Variants in EP400 observed in about 807,000 individuals in gnomAD.
The protein encoded by EP400 is E1A binding protein p400.
A neutral mutation model predicts 354.1 loss-of-function variants in EP400; 105 were observed. That is an observed-to-expected ratio of 0.30 (90% CI 0.25 to 0.35). EP400 has a LOEUF of 0.35. Among genes scored for constraint, EP400 ranks in the 10% least tolerant of loss-of-function variants. The pLI, the probability that EP400 is intolerant of heterozygous loss-of-function variation, is 1.00. For synonymous variants in EP400, 1,646 were observed against 1,716.9 expected, an observed-to-expected ratio of 0.96 and a Z score of 1.02; for missense variants, 3,280 against 4,121.0, an observed-to-expected ratio of 0.80 and a Z score of 5.59.
intron 32 of EP400, among the ~76,000 whole-genome samples, chr12:132,039,416 G>C (rs1894820916): frequency 6.6e-6 from 1 of 152,154 alleles, no homozygotes; most frequent in Non-Finnish European, 1.5e-5. Flanking sequence ...GAGGGAGCAA[G>C]GGGCAGGCAG....
intron 2 of EP400, chr12:131,963,650 T>G (rs1891976515): frequency 6.3e-7 from 1 of 1,594,154 alleles, no homozygotes; most frequent in Non-Finnish European, 8.5e-7. Flanking sequence ...CAGGTACTTT[T>G]CGATGGTTCT....
At chr12:132,059,790 C>T (rs184041240) in intron 45 of EP400, among the ~76,000 whole-genome samples, 4 of 151,574 alleles carry the variant, frequency 2.6e-5, no homozygotes, top group South Asian at 2.1e-4. Flanking sequence ...CCAAGGCGGG[C>T]GGATCACGAG....
In EP400 at chr12:132,025,544, T is replaced by G; in HGVS notation, c.4856-102T>G. On this transcript the variant is annotated intron_variant, in intron 24 of 52. Coordinates refer to ENST00000389561, the MANE Select transcript of EP400 (RefSeq NM_015409.5). This position sits in a 1 kb window ranked among gnomAD's most constrained non-coding sequence, Gnocchi z 4.1. Reference sequence around the variant, plus strand: ...TGATTTTTTTGTGTAGATTTGATTTTCAGTTTGTCAACTTATTTTTGTACT... The same window carrying G: ...TGATTTTTTTGTGTAGATTTGATTTGCAGTTTGTCAACTTATTTTTGTACT... 1 of 1,316,402 alleles carries G rather than the reference T, an allele frequency of 7.6e-7. No homozygotes were observed. The highest frequency in any genetic ancestry group is 1.5e-5 in the African/African-American group (1 of 66,374). The allele number at this position is 1,316,402 out of a possible 1,614,324, so 81.5% of individuals were successfully genotyped here.
At chr12:132,065,523 G>A (rs1895861742) in intron 48 of EP400, 1 of 153,050 alleles carries the variant, frequency 6.5e-6, no homozygotes, top group Admixed American at 6.5e-5. Flanking sequence ...AGTGCTCATG[G>A]ACTGCCCCAG....
chr12:132,035,374 A>G (rs553326480), intron 30 of EP400, among the ~76,000 whole-genome samples: 27 of 152,362 alleles, frequency 1.8e-4, no homozygotes, highest in Non-Finnish European at 3.5e-4. Context: ...GGTGTTGAGC[A>G]GCCAGGTGGA....
At chr12:132,066,211 A>T (rs1168491452) in intron 48 of EP400, 1 of 152,512 alleles carries the variant, frequency 6.6e-6, no homozygotes, top group Non-Finnish European at 1.5e-5. Context: ...AAGGCTAAAT[A>T]CCAGTTTTAA....
intron 12 of EP400, among the ~76,000 whole-genome samples, chr12:131,999,753 G>A (rs1337123640): frequency 1.3e-5 from 2 of 152,070 alleles, no homozygotes; most frequent in Non-Finnish European, 2.9e-5. Flanking sequence ...ACATTAAATT[G>A]AGGAATATGA....
At position 131,979,776 on chromosome 12, in the gene EP400, C is replaced by T. The variant is rs969901509; in HGVS notation, c.1418C>T (p.Pro473Leu). 1 of 1,606,872 alleles carries T rather than the reference C, an allele frequency of 6.2e-7. No homozygotes were observed. The highest frequency in any genetic ancestry group is 8.5e-7 in the Non-Finnish European group (1 of 1,176,652). Residue 473 changes from proline to leucine, a missense_variant, in exon 3 of 53, where the codon CCC (proline) becomes CTC (leucine). By Grantham distance (98) the Pro-to-Leu change is moderately conservative. Transcript: ENST00000389561. Reference sequence around the variant, plus strand: ...CTGTTTAAGAGGCAGCAGGCGATGCCCTCCACAGGTATGGCAGGTACGTCG... The same window carrying T: ...CTGTTTAAGAGGCAGCAGGCGATGCTCTCCACAGGTATGGCAGGTACGTCG... ...TDLFKRQQAM[P>L]STGMAEQSKR...
intron 52 of EP400, 99 bp from the exon 53 acceptor site, chr12:132,077,302 G>A: frequency 2.1e-6 from 3 of 1,435,090 alleles, no homozygotes; most frequent in Non-Finnish European, 2.8e-6. Context: ...CATAGTCAGT[G>A]AAGTTTCTCG....
chr12:131,963,316 T>C (rs1391946087), intron 2 of EP400, among the ~76,000 whole-genome samples: 1 of 152,232 alleles, frequency 6.6e-6, no homozygotes, highest in Non-Finnish European at 1.5e-5. Flanking sequence ...GATATTGCAC[T>C]TTGACTTAAA....
chr12:132,072,883 C>T (rs1204345408), intron 51 of EP400, among the ~76,000 whole-genome samples: 2 of 152,214 alleles, frequency 1.3e-5, no homozygotes, highest in Non-Finnish European at 2.9e-5. Context: ...TGAAATGACT[C>T]TTACTGTCTT....
In EP400 at chr12:131,960,943, T is replaced by C; in HGVS notation, c.324T>C (p.Ala108=). Residue 108 remains alanine (A), a synonymous_variant, in exon 2 of 53, where the codon GCT becomes GCC. Transcript: ENST00000389561. ...SPTSPGFQFS[A]QPRRFEHGSP... is the part of the protein sequence containing the mutation. ...CCTCTCCAGGCTTCCAGTTCAGCGC[T>C]CAGCCTCGGCGGTTTGAGCATGGGT... 6.2e-7 allele frequency: 1 copy of C among 1,612,990 alleles called. No homozygotes were observed. The highest frequency in any genetic ancestry group is 8.5e-7 in the Non-Finnish European group (1 of 1,179,774).
Position 132,013,565 on chromosome 12 carries a change from G to T in EP400, c.3687G>T (p.Leu1229=). ...AGCTCTGGACCATGGTGCACTTCCT[G>T]GTCCCAGGGATCTCCAGGCCCTACC... ...FLELWTMVHF[L]VPGISRPYLS... Residue 1229 remains leucine, a synonymous_variant, in exon 18 of 53, where the codon CTG becomes CTT. Coordinates refer to ENST00000389561, the MANE Select transcript of EP400 (RefSeq NM_015409.5). The surrounding 1 kb of genome is among the most constrained non-coding windows in gnomAD (Gnocchi z 4.5). 2 of 1,613,558 alleles carry T rather than the reference G, an allele frequency of 1.2e-6. No individual in the cohort carries two copies. Among genetic ancestry groups the T allele is most frequent in the Non-Finnish European group, 1.7e-6 (2 of 1,179,758 alleles).
intron 2 of EP400, among the ~76,000 whole-genome samples, chr12:131,976,792 C>G (rs150890937): frequency 3.3e-5 from 5 of 152,336 alleles, no homozygotes; most frequent in African/African-American, 1.2e-4. Context: ...CACCTGAAAA[C>G]TCAGTTCAGT....
At chr12:131,977,177 C>T (rs1418896236) in intron 2 of EP400, among the ~76,000 whole-genome samples, 1 of 152,154 alleles carries the variant, frequency 6.6e-6, no homozygotes, top group Non-Finnish European at 1.5e-5. Context: ...CGCTCTTTCA[C>T]CCAGGTTGGA....
intron 45 of EP400, among the ~76,000 whole-genome samples, chr12:132,061,273 G>A (rs986954094): frequency 1.3e-5 from 2 of 152,236 alleles, no homozygotes; most frequent in African/African-American, 4.8e-5. Flanking sequence ...GCTCCCAACT[G>A]TGGCAGGGAC....
chr12:131,962,233 G>A (rs1454956868), intron 2 of EP400, among the ~76,000 whole-genome samples: 1 of 152,178 alleles, frequency 6.6e-6, no homozygotes, highest in African/African-American at 2.4e-5. Context: ...TGAGCACCAA[G>A]GATTCATCTC....
chr12:132,047,096 C>T (rs549995893), intron 39 of EP400, among the ~76,000 whole-genome samples: 1 of 152,370 alleles, frequency 6.6e-6, no homozygotes, highest in South Asian at 2.1e-4. Flanking sequence ...ATGCGAACAT[C>T]ACACTTAATT....
rs377204247 is a variant in EP400 at position 132,036,181 on chromosome 12, G to T, written c.5952-1501G>T. 7.3e-4 allele frequency among the ~76,000 whole-genome samples: 106 copies of T among 145,656 alleles called. No homozygotes were observed. In the Middle Eastern group the frequency reaches 0.016, roughly 22 times the overall value. ...GAGCATCATGGAACAACACACCCAG[G>T]TTCACACGGAACGTCATGGAAGCAC... On this transcript the variant is annotated intron_variant, in intron 30 of 52. Transcript: ENST00000389561.
Sources: allele counts gnomAD v4.1 joint callset (sites outside exome capture counted in the v4.1 genomes callset), GRCh38; gene constraint gnomAD v4.1.1; non-coding constraint Gnocchi (gnomAD v3.1); transcripts MANE v1.5; gene names NCBI Gene and HGNC (gene_info 2026-07-23, HGNC 2026-07-21).